Variants in SFXN5 observed in about 807,000 individuals in gnomAD.
SFXN5 encodes the protein sideroflexin 5, also known as sideroflexin-5.
SFXN5 carries 43 observed loss-of-function variants against 50.2 expected under a neutral mutation model. That is an observed-to-expected ratio of 0.86 (90% CI 0.67 to 1.11). The LOEUF (loss-of-function observed/expected upper bound fraction) is 1.11. Ranked by LOEUF, SFXN5 falls within the 50% of genes least tolerant of loss-of-function variation. The pLI, the probability that SFXN5 is intolerant of heterozygous loss-of-function variation, is 0.00. For synonymous variants in SFXN5, 203 were observed against 185.8 expected, an observed-to-expected ratio of 1.09 and a Z score of -0.75; for missense variants, 463 against 454.1, an observed-to-expected ratio of 1.02 and a Z score of -0.18.
intron 2 of SFXN5, among the ~76,000 whole-genome samples, chr2:73,052,256 A>G (rs1681423442): frequency 6.6e-6 from 1 of 152,074 alleles, no homozygotes; most frequent in Non-Finnish European, 1.5e-5. Context: ...TGGGTGCTAC[A>G]TGTGTTCATA....
intron 9 of SFXN5, chr2:72,996,564 A>G (rs1673276890): frequency 7.0e-6 from 1 of 142,730 alleles, no homozygotes; most frequent in Non-Finnish European, 1.5e-5. Flanking sequence ...TCTGGAGTGC[A>G]GGGGCACAAT....
At chr2:73,044,472 C>T (rs574665164) in intron 2 of SFXN5, 190 of 152,640 alleles carry the variant, frequency 1.2e-3, no homozygotes, top group Admixed American at 4.4e-3. Flanking sequence ...CTGGTGTCCC[C>T]ACTTCAGAGA....
chr2:72,971,834 C>T (rs1336358485), intron 10 of SFXN5, 149 bp from the exon 11 acceptor site: 2 of 594,774 alleles, frequency 3.4e-6, no homozygotes, highest in South Asian at 2.2e-5. Flanking sequence ...TTCTGTTGTC[C>T]ATCTGCCTAT....
rs894677437 is a variant in SFXN5 at position 73,071,538 on chromosome 2, T to C, written c.102+66A>G. On this transcript the variant is annotated intron_variant, in intron 1 of 13. Transcript: ENST00000272433. ...GAGACCCTTGGGCGGAAGGGGACTT[T>C]GGAGGGGAGTTTGCTCGTCCTCTCT... 6.8e-6 allele frequency: 10 copies of C among 1,479,368 alleles called. No homozygotes were observed. The Admixed American group carries it at 1.3e-4, about 20-fold the overall frequency. 91.6% of individuals were successfully genotyped at this position (1,479,368 alleles called of 1,614,324 possible). A position where few individuals can be genotyped will look rare whatever the true frequency, so the allele number is the denominator to read the frequency against.
chr2:72,945,160 G>C lies in SFXN5; in HGVS notation c.946-61C>G. On this transcript the variant is annotated intron_variant, in intron 13 of 13. Coordinates refer to ENST00000272433, the MANE Select transcript of SFXN5 (RefSeq NM_144579.3). This position sits in a 1 kb window ranked among gnomAD's most constrained non-coding sequence, Gnocchi z 5.8. ...TGGGAAGGGGCAAATAGTGGGGCTGGGAGCTGCAGTGAGGACCACCCTGGG... is the reference window on the plus strand; with the variant it reads ...TGGGAAGGGGCAAATAGTGGGGCTGCGAGCTGCAGTGAGGACCACCCTGGG... The C allele has an allele frequency of 6.6e-7, 1 of 1,513,610 alleles. No individual in the cohort carries two copies. Among genetic ancestry groups the C allele is most frequent in the South Asian group, 1.2e-5 (1 of 86,524 alleles). 93.8% of individuals were successfully genotyped at this position (1,513,610 alleles called of 1,614,324 possible).
Position 73,032,471 on chromosome 2 carries a change from T to G in SFXN5, c.249+8383A>C, listed in dbSNP as rs566108433. 4.6e-5 allele frequency among the ~76,000 whole-genome samples: 7 copies of G among 152,260 alleles called. No homozygotes were observed. The East Asian group carries it at 1.4e-3, about 29-fold the overall frequency. ...AGAAGCAATCCGGGTGAGAGGTGGC[T>G]GGAAGATCCCAGAAGTTGGCTAATT... On this transcript the variant is annotated intron_variant, in intron 3 of 13. Coordinates refer to ENST00000272433, the MANE Select transcript of SFXN5 (RefSeq NM_144579.3).
chr2:73,010,476 T>A (rs1316179769), intron 6 of SFXN5, among the ~76,000 whole-genome samples: 1 of 152,176 alleles, frequency 6.6e-6, no homozygotes. Context: ...TGTAGAAAAA[T>A]GGAAGTCTGG....
chr2:72,985,537 A>G (rs991667920), intron 10 of SFXN5, among the ~76,000 whole-genome samples: 2 of 131,368 alleles, frequency 1.5e-5, no homozygotes, highest in Admixed American at 8.4e-5. Context: ...AGCGATGGAC[A>G]TAGGGACTAG....
At chr2:73,048,063 T>C (rs945509964) in intron 2 of SFXN5, among the ~76,000 whole-genome samples, 1 of 152,260 alleles carries the variant, frequency 6.6e-6, no homozygotes. Context: ...GGTAAAAGTA[T>C]ATACTTCAGG....
intron 10 of SFXN5, among the ~76,000 whole-genome samples, chr2:72,978,704 A>C (rs569233799): frequency 1.6e-4 from 24 of 152,310 alleles, no homozygotes; most frequent in Middle Eastern, 3.4e-3. Context: ...ATATTTAATA[A>C]AGCTAGAAAC....
At chr2:72,991,893 A>G (rs1672649911) in intron 9 of SFXN5, among the ~76,000 whole-genome samples, 2 of 152,240 alleles carry the variant, frequency 1.3e-5, no homozygotes, top group Admixed American at 6.5e-5. Flanking sequence ...ATGTGGAACA[A>G]TTACTGCTGA....
At chr2:73,027,058 A>G (rs1362070562) in intron 3 of SFXN5, among the ~76,000 whole-genome samples, 2 of 144,002 alleles carry the variant, frequency 1.4e-5, no homozygotes, top group African/African-American at 4.9e-5. Flanking sequence ...TATACCTTCT[A>G]TTTATATTTA....
At chr2:72,947,075 C>G (rs1194003127) in intron 13 of SFXN5, among the ~76,000 whole-genome samples, 1 of 152,224 alleles carries the variant, frequency 6.6e-6, no homozygotes, top group African/African-American at 2.4e-5. Context: ...GCTTTAGACA[C>G]CTTCCCTCCC....
chr2:73,037,480 G>A (rs1029657450), intron 3 of SFXN5, among the ~76,000 whole-genome samples: 7 of 152,168 alleles, frequency 4.6e-5, no homozygotes, highest in Non-Finnish European at 8.8e-5. Context: ...AAAAAGTGAT[G>A]AAAGCAATTA....
intron 10 of SFXN5, among the ~76,000 whole-genome samples, chr2:72,983,909 T>A (rs565204208): frequency 3.1e-4 from 47 of 152,204 alleles, no homozygotes; most frequent in African/African-American, 7.9e-4. Flanking sequence ...GCTGGGGGTG[T>A]GTATTTTTCC....
intron 6 of SFXN5, among the ~76,000 whole-genome samples, chr2:73,015,386 G>A (rs977099515): frequency 6.6e-6 from 1 of 152,090 alleles, no homozygotes; most frequent in Non-Finnish European, 1.5e-5. Flanking sequence ...TTTCATAAGT[G>A]ATATTGGCTT....
intron 6 of SFXN5, among the ~76,000 whole-genome samples, chr2:73,018,359 G>T (rs936470795): frequency 1.1e-4 from 16 of 152,060 alleles, no homozygotes; most frequent in African/African-American, 3.6e-4. Context: ...GACTAGCGGG[G>T]CATGTCAAAT....
chr2:72,981,913 A>C (rs1055565722), intron 10 of SFXN5, among the ~76,000 whole-genome samples: 1 of 152,064 alleles, frequency 6.6e-6, no homozygotes, highest in Non-Finnish European at 1.5e-5. Flanking sequence ...TAGAGAGATT[A>C]TCGAATGGGT....
intron 13 of SFXN5, among the ~76,000 whole-genome samples, chr2:72,958,058 T>C (rs1673304467): frequency 6.6e-6 from 1 of 152,210 alleles, no homozygotes; most frequent in African/African-American, 2.4e-5. Flanking sequence ...CTGCAGCAGC[T>C]GTGAGACCAG....
Sources: gnomAD v4.1 joint callset for allele counts (sites outside exome capture counted in the v4.1 genomes callset) on GRCh38, gnomAD v4.1.1 for gene constraint, Gnocchi (gnomAD v3.1) non-coding constraint, MANE v1.5 for transcripts, NCBI Gene and HGNC (gene_info 2026-07-23, HGNC 2026-07-21) for gene names.